The following SMYD3 variants were observed in gnomAD, a reference collection of about 807,000 sequenced individuals.
The protein encoded by SMYD3 is histone-lysine N-methyltransferase SMYD3.
Under a neutral mutation model 57.7 loss-of-function variants are expected in SMYD3, and 36 were observed. That is an observed-to-expected ratio of 0.62 (90% CI 0.48 to 0.82). The LOEUF is 0.82. SMYD3 is among the 40% of genes least tolerant of loss of function. SMYD3 has a pLI of 0.00. For missense variants in SMYD3, 515 were observed against 538.8 expected, an observed-to-expected ratio of 0.96 and a Z score of 0.44; for synonymous variants, 211 against 195.0, an observed-to-expected ratio of 1.08 and a Z score of -0.68.
chr1:246,500,875 A>G (rs2103077566), intron 1 of SMYD3, among the ~76,000 whole-genome samples: 1 of 152,312 alleles, frequency 6.6e-6, no homozygotes, highest in Non-Finnish European at 1.5e-5. Context: ...CCCTTTCCCA[A>G]ACCTCGTTAC....
intron 5 of SMYD3, among the ~76,000 whole-genome samples, chr1:245,977,732 T>C (rs1279403295): frequency 6.6e-6 from 1 of 152,170 alleles, no homozygotes; most frequent in Non-Finnish European, 1.5e-5. Context: ...TGCATGAGAA[T>C]CTTATTTGCC....
chr1:245,837,143 A>G (rs2050142379), intron 10 of SMYD3, among the ~76,000 whole-genome samples: 1 of 151,926 alleles, frequency 6.6e-6, no homozygotes, highest in South Asian at 2.1e-4. Context: ...CCTGGCCTAC[A>G]TGGTGAAACC....
intron 1 of SMYD3, among the ~76,000 whole-genome samples, chr1:246,396,463 G>A (rs1350455127): frequency 1.3e-5 from 2 of 152,148 alleles, no homozygotes; most frequent in Admixed American, 1.3e-4. Flanking sequence ...GATCAGAACT[G>A]GATATACATC....
intron 5 of SMYD3, among the ~76,000 whole-genome samples, chr1:246,076,601 G>A (rs1005406844): frequency 6.6e-6 from 1 of 151,738 alleles, no homozygotes; most frequent in African/African-American, 2.4e-5. Context: ...TAAAAAATAA[G>A]TCTAAGGCAT....
intron 5 of SMYD3, among the ~76,000 whole-genome samples, chr1:245,968,118 T>G (rs779229930): frequency 6.6e-6 from 1 of 151,984 alleles, no homozygotes; most frequent in African/African-American, 2.4e-5. Flanking sequence ...ATAATGCTAC[T>G]TCCCCCTCAA....
chr1:245,953,868 A>G (rs998047814), intron 5 of SMYD3, among the ~76,000 whole-genome samples: 2 of 152,236 alleles, frequency 1.3e-5, no homozygotes, highest in African/African-American at 2.4e-5. Context: ...TCAATGCTGA[A>G]TAAGATTAAA....
intron 10 of SMYD3, among the ~76,000 whole-genome samples, chr1:245,811,409 C>G (rs185231727): frequency 6.6e-6 from 1 of 152,274 alleles, no homozygotes; most frequent in East Asian, 1.9e-4. Context: ...CATTAACTAT[C>G]TGTTATGCTT....
At chr1:246,351,293 T>C (rs1462519514) in intron 2 of SMYD3, among the ~76,000 whole-genome samples, 2 of 152,184 alleles carry the variant, frequency 1.3e-5, no homozygotes, top group Non-Finnish European at 2.9e-5. Context: ...AATTAATTCA[T>C]TCAACTAGAA....
intron 1 of SMYD3, among the ~76,000 whole-genome samples, chr1:246,492,437 G>C (rs990130715): frequency 1.3e-5 from 2 of 152,120 alleles, no homozygotes; most frequent in African/African-American, 4.8e-5. Flanking sequence ...GACAAACGAT[G>C]GATAGGGTAG....
intron 1 of SMYD3, among the ~76,000 whole-genome samples, chr1:246,416,361 G>T (rs2067060489): frequency 6.6e-6 from 1 of 152,126 alleles, no homozygotes; most frequent in Admixed American, 6.5e-5. Flanking sequence ...TGACTTAAAG[G>T]TTCTAATTAA....
chr1:245,852,528 T>C (rs1393681021), intron 10 of SMYD3, among the ~76,000 whole-genome samples: 2 of 152,220 alleles, frequency 1.3e-5, no homozygotes, highest in Non-Finnish European at 2.9e-5. Context: ...TGTTCTCCAT[T>C]ACCTCCTACC....
chr1:246,047,470 A>C (rs2059989236), intron 5 of SMYD3, among the ~76,000 whole-genome samples: 1 of 152,208 alleles, frequency 6.6e-6, no homozygotes, highest in African/African-American at 2.4e-5. Context: ...CTGTGGAAAA[A>C]AGAAAGCTGG....
chr1:245,767,830 A>G (rs1038727674), intron 10 of SMYD3, among the ~76,000 whole-genome samples: 1 of 152,218 alleles, frequency 6.6e-6, no homozygotes, highest in African/African-American at 2.4e-5. Context: ...CAAAGCTAGG[A>G]ACTCTGGACT....
chr1:246,209,300 C>G (rs1346492772), intron 5 of SMYD3, among the ~76,000 whole-genome samples: 1 of 126,978 alleles, frequency 7.9e-6, no homozygotes, highest in Admixed American at 7.8e-5. Context: ...ATAAGTCATT[C>G]AGCTTGATAG....
intron 1 of SMYD3, among the ~76,000 whole-genome samples, chr1:246,388,100 T>G (rs1458570076): frequency 2.1e-5 from 2 of 93,416 alleles, no homozygotes; most frequent in Non-Finnish European, 4.4e-5. Flanking sequence ...CATTCATTCT[T>G]GAAAATCACC....
At chr1:246,427,706 T>A (rs114851253) in intron 1 of SMYD3, among the ~76,000 whole-genome samples, 4,996 of 151,686 alleles carry the variant, frequency 0.033, 136 homozygotes, top group South Asian at 0.046. Flanking sequence ...TCTACAAAAA[T>A]TTTAAAAATC....
chr1:245,875,878 G>A (rs995608615), intron 8 of SMYD3, among the ~76,000 whole-genome samples: 1 of 152,186 alleles, frequency 6.6e-6, no homozygotes, highest in Non-Finnish European at 1.5e-5. Context: ...AAATACGCAA[G>A]GATTTCTTTT....
At chr1:245,749,776 G>A (rs2045260653) in intron 11 of SMYD3, 112 bp from the exon 12 acceptor site, 3 of 747,036 alleles carry the variant, frequency 4.0e-6, no homozygotes, top group Admixed American at 2.3e-5. Context: ...GGTTTACAGG[G>A]TGAACAGTCT....
intron 5 of SMYD3, among the ~76,000 whole-genome samples, chr1:245,946,874 T>C (rs543989672): frequency 2.0e-5 from 3 of 152,358 alleles, no homozygotes; most frequent in East Asian, 1.9e-4. Flanking sequence ...CATTTCTCTC[T>C]AATTTTGACA....
Sources: allele counts gnomAD v4.1 joint callset (sites outside exome capture counted in the v4.1 genomes callset), GRCh38; gene constraint gnomAD v4.1.1; transcripts MANE v1.5; gene names NCBI Gene and HGNC (gene_info 2026-07-23, HGNC 2026-07-21).